Variants in FRYL observed in about 807,000 individuals in gnomAD.
FRYL encodes the protein FRY like transcription coactivator.
FRYL carries 150 observed loss-of-function variants against 351.2 expected under a neutral mutation model. The observed-to-expected ratio is 0.43, with a 90% CI of 0.37 to 0.49. FRYL has a LOEUF of 0.49. Ranked by LOEUF, FRYL falls within the 20% of genes least tolerant of loss-of-function variation. The pLI, the probability that FRYL is intolerant of heterozygous loss-of-function variation, is 0.00. For synonymous variants in FRYL, 1,153 were observed against 1,257.1 expected (o/e 0.92, Z 1.75); for missense variants, 3,036 against 3,619.3 (o/e 0.84, Z 4.13).
intron 49 of FRYL, among the ~76,000 whole-genome samples, chr4:48,532,382 G>A (rs1226983484): frequency 1.3e-5 from 2 of 152,200 alleles, no homozygotes; most frequent in Admixed American, 6.5e-5. Flanking sequence ...TAAAGGCCGG[G>A]AGCAATGGCT....
intron 1 of FRYL, among the ~76,000 whole-genome samples, chr4:48,746,176 T>G (rs1398830359): frequency 1.3e-5 from 2 of 152,192 alleles, no homozygotes; most frequent in African/African-American, 4.8e-5. Flanking sequence ...TCACTGTGGT[T>G]AGGAGTCGGC....
intron 2 of FRYL, among the ~76,000 whole-genome samples, chr4:48,689,774 T>C (rs1765507896): frequency 6.6e-6 from 1 of 152,302 alleles, no homozygotes; most frequent in East Asian, 1.9e-4. Context: ...TCTATAACTT[T>C]GAAGAGTTGA....
intron 53 of FRYL, among the ~76,000 whole-genome samples, chr4:48,526,376 T>C (rs1726235699): frequency 1.3e-5 from 2 of 152,164 alleles, no homozygotes; most frequent in African/African-American, 2.4e-5. Context: ...GCTACAGAAA[T>C]GGATCTCTAA....
rs1553957603 is a variant in FRYL at position 48,632,102 on chromosome 4, A to ATATATG, written c.120+2188_120+2189insCATATA. 8.8e-3 allele frequency among the ~76,000 whole-genome samples: 323 copies of ATATATG among 36,680 alleles called. 1 individual carries two copies. Among genetic ancestry groups the ATATATG allele is most frequent in the Admixed American group, 0.014 (26 of 1,866 alleles). 24.1% of individuals were successfully genotyped at this position (36,680 alleles called of 152,430 possible). ...AAAAAAAAAAAAAAAATATATATAT[A>ATATATG]TATATATATATATATATATATATAT... On this transcript the variant is annotated intron_variant, in intron 4 of 63. Coordinates refer to ENST00000358350, the MANE Select transcript of FRYL (RefSeq NM_015030.2).
At chr4:48,754,540 T>C (rs1324189293) in intron 1 of FRYL, among the ~76,000 whole-genome samples, 9 of 152,186 alleles carry the variant, frequency 5.9e-5, no homozygotes, top group Admixed American at 4.6e-4. Context: ...AATTTCACAT[T>C]CAACTGAGAA....
intron 55 of FRYL, among the ~76,000 whole-genome samples, chr4:48,515,739 T>A (rs529651053): frequency 1.5e-3 from 229 of 152,300 alleles, no homozygotes; most frequent in Non-Finnish European, 2.8e-3. Flanking sequence ...ATTTTGAAAT[T>A]AAAATATATC....
chr4:48,589,256 A>G (rs900596799), intron 18 of FRYL, among the ~76,000 whole-genome samples: 1 of 152,122 alleles, frequency 6.6e-6, no homozygotes, highest in Non-Finnish European at 1.5e-5. Flanking sequence ...ACAAATAATG[A>G]CAAGGCCCTT....
intron 2 of FRYL, among the ~76,000 whole-genome samples, chr4:48,689,927 C>T (rs1203123861): frequency 6.9e-6 from 1 of 144,054 alleles, no homozygotes; most frequent in Non-Finnish European, 1.5e-5. Flanking sequence ...CGGAGTCTCA[C>T]TCTTTGTCAT....
intron 11 of FRYL, among the ~76,000 whole-genome samples, chr4:48,604,119 C>CT (rs1163248423): frequency 6.6e-6 from 1 of 152,174 alleles, no homozygotes; most frequent in African/African-American, 2.4e-5. Context: ...ATTTTCTGCA[C>CT]TAGCAATTAA....
At chr4:48,731,781 A>G (rs1770756786) in intron 1 of FRYL, among the ~76,000 whole-genome samples, 2 of 152,104 alleles carry the variant, frequency 1.3e-5, no homozygotes, top group African/African-American at 2.4e-5. Context: ...ACAAAAATCA[A>G]CTCGAGATGG....
intron 2 of FRYL, among the ~76,000 whole-genome samples, chr4:48,687,978 C>G (rs890438246): frequency 2.6e-5 from 4 of 152,086 alleles, no homozygotes; most frequent in African/African-American, 9.7e-5. Flanking sequence ...TGTTAACATT[C>G]TTACAGAATG....
intron 1 of FRYL, among the ~76,000 whole-genome samples, chr4:48,752,057 TG>T (rs1265633826): frequency 6.6e-6 from 1 of 152,058 alleles, no homozygotes; most frequent in Non-Finnish European, 1.5e-5. Context: ...ATGCGGGGTG[TG>T]GGGGATTTGC....
intron 2 of FRYL, among the ~76,000 whole-genome samples, chr4:48,698,284 C>T (rs1379431700): frequency 3.9e-5 from 6 of 152,230 alleles, no homozygotes; most frequent in Admixed American, 6.5e-5. Flanking sequence ...TGTAACTACG[C>T]GAATGGGTTC....
intron 2 of FRYL, among the ~76,000 whole-genome samples, chr4:48,696,206 T>C (rs1386119597): frequency 6.6e-6 from 1 of 152,198 alleles, no homozygotes; most frequent in Non-Finnish European, 1.5e-5. Flanking sequence ...TAAATCATTC[T>C]ACCATAAAGA....
chr4:48,586,951 GTAAC>G (rs1323231420), intron 18 of FRYL, among the ~76,000 whole-genome samples: 1 of 151,904 alleles, frequency 6.6e-6, no homozygotes, highest in Non-Finnish European at 1.5e-5. Context: ...AAGGTTTTCA[GTAAC>G]TAGACAACAA....
At chr4:48,545,765 CATAA>C (rs1475811603) in intron 42 of FRYL, among the ~76,000 whole-genome samples, 1 of 152,044 alleles carries the variant, frequency 6.6e-6, no homozygotes, top group African/African-American at 2.4e-5. Context: ...AAGAGTAGAC[CATAA>C]ATAAATATTT....
rs527756933 is a variant in FRYL, at chr4:48,682,087, G to A, written c.-81+2586C>T. ...AAAGGTAACAGGGTAAAACCCCTAA[G>A]CAATCATATCTATAACTCTGAATGA... On this transcript the variant is annotated intron_variant, in intron 3 of 63. Coordinates refer to ENST00000358350, the MANE Select transcript of FRYL (RefSeq NM_015030.2). Among the ~76,000 whole-genome samples, 5 of 152,270 alleles carry A rather than the reference G, an allele frequency of 3.3e-5. No homozygotes were observed. In the South Asian group the frequency reaches 8.3e-4, roughly 25 times the overall value.
At chr4:48,543,599 G>A (rs933103667) in intron 44 of FRYL, among the ~76,000 whole-genome samples, 1 of 152,140 alleles carries the variant, frequency 6.6e-6, no homozygotes, top group Non-Finnish European at 1.5e-5. Flanking sequence ...AGCTTTTTCT[G>A]ATAGGCACTA....
At chr4:48,730,235 G>A (rs1770574279) in intron 1 of FRYL, among the ~76,000 whole-genome samples, 1 of 152,192 alleles carries the variant, frequency 6.6e-6, no homozygotes, top group African/African-American at 2.4e-5. Context: ...ATGGGACTAT[G>A]TGAAAAGACC....
Sources: gnomAD v4.1 joint callset for allele counts (sites outside exome capture counted in the v4.1 genomes callset) on GRCh38, gnomAD v4.1.1 for gene constraint, MANE v1.5 for transcripts, NCBI Gene and HGNC (gene_info 2026-07-23, HGNC 2026-07-21) for gene names.